TRIT1: variants seen among roughly 807,000 people sequenced by gnomAD.
TRIT1 encodes the protein tRNA isopentenyltransferase 1.
A neutral mutation model predicts 51.2 loss-of-function variants in TRIT1; 43 were observed. The ratio of observed to expected loss-of-function variants is 0.84; its 90% CI spans 0.66 to 1.08. The LOEUF (loss-of-function observed/expected upper bound fraction) is 1.08. TRIT1 is among the 50% of genes least tolerant of loss of function. The pLI is 0.00. For synonymous variants in TRIT1, 184 were observed against 203.9 expected, an observed-to-expected ratio of 0.90 and a Z score of 0.83; for missense variants, 528 against 578.4, an observed-to-expected ratio of 0.91 and a Z score of 0.89.
chr1:39,872,329 CA>C (rs142401809), intron 1 of TRIT1, among the ~76,000 whole-genome samples: 3,663 of 152,060 alleles, frequency 0.024, 61 homozygotes, highest in Middle Eastern at 0.072. Context: ...GAGAGGAAAA[CA>C]AAAGGAGCTG....
chr1:39,853,380 TA>T (rs1369390923), intron 3 of TRIT1, among the ~76,000 whole-genome samples: 1 of 150,480 alleles, frequency 6.6e-6, no homozygotes, highest in South Asian at 2.1e-4. Context: ...GAATTATACA[TA>T]TTTTTTTCTT....
chr1:39,873,036 C>T (rs557455755), intron 1 of TRIT1, among the ~76,000 whole-genome samples: 12 of 152,226 alleles, frequency 7.9e-5, no homozygotes, highest in South Asian at 4.1e-4. Context: ...AACATATGTC[C>T]GCAAATTATT....
intron 1 of TRIT1, among the ~76,000 whole-genome samples, chr1:39,860,331 C>T (rs1301881787): frequency 1.3e-5 from 2 of 152,162 alleles, no homozygotes; most frequent in African/African-American, 2.4e-5. Flanking sequence ...ACAGACTAGA[C>T]ATCTGATTTA....
intron 2 of TRIT1, among the ~76,000 whole-genome samples, chr1:39,855,599 CAA>C (rs1356995464): frequency 6.6e-6 from 1 of 152,032 alleles, no homozygotes; most frequent in African/African-American, 2.4e-5. Context: ...CTCAGCACTC[CAA>C]AAGTTTCAGA....
rs150669999 is a variant in TRIT1 at position 39,866,093 on chromosome 1, A to AAAGGAAGG, written c.175-8684_175-8677dup. 5.6e-3 allele frequency among the ~76,000 whole-genome samples: 830 copies of AAAGGAAGG among 147,542 alleles called. 8 individuals are homozygous for AAAGGAAGG. The highest frequency in any genetic ancestry group is 0.02 in the East Asian group (100 of 4,974). On this transcript the variant is annotated intron_variant, in intron 1 of 10. Transcript: ENST00000316891. ...AGAGGGAGGGAGGGAAGGAAAGAAG[A>AAAGGAAGG]AAGGAAGGAAGGAAGGAAGGAAGGA... is the stretch of plus-strand genomic sequence containing the variant.
At chr1:39,859,689 G>C (rs1643131228) in intron 1 of TRIT1, among the ~76,000 whole-genome samples, 1 of 152,124 alleles carries the variant, frequency 6.6e-6, no homozygotes, top group Admixed American at 6.5e-5. Flanking sequence ...GCCCTTGGTT[G>C]GCTCTGCTGT....
chr1:39,870,145 C>T (rs957163640), intron 1 of TRIT1, among the ~76,000 whole-genome samples: 1 of 152,162 alleles, frequency 6.6e-6, no homozygotes, highest in Admixed American at 6.5e-5. Context: ...ACATGGGAGA[C>T]TCCATTTTGT....
intron 1 of TRIT1, among the ~76,000 whole-genome samples, chr1:39,862,313 TAA>T (rs35360578): frequency 0.19 from 26,563 of 139,150 alleles, 2,473 homozygotes; most frequent in Non-Finnish European, 0.23. Flanking sequence ...TATCACAATT[TAA>T]AAAAAAAAAA....
In TRIT1 at chr1:39,883,343, T is replaced by C. The variant is rs755148703; in HGVS notation, c.149A>G (p.Glu50Gly). 8 of 1,610,022 alleles carry C rather than the reference T, an allele frequency of 5.0e-6. No individual in the cohort carries two copies. In the East Asian group the frequency reaches 1.6e-4, roughly 32 times the overall value. The change falls in exon 1 of 11, where the codon GAG (glutamate) becomes GGG (glycine). Residue 50 changes from glutamate to glycine, a missense_variant. Transcript: ENST00000316891. ...ALQLGQRLGGEIVSADSMQVY... is the reference protein window; with the variant it reads ...ALQLGQRLGGGIVSADSMQVY... ...CTGCATGGAGTCAGCGCTGACGATC[T>C]CACCGCCGAGCCGCTGGCCTAGCTG...
At chr1:39,869,338 C>T (rs956190509) in intron 1 of TRIT1, among the ~76,000 whole-genome samples, 6 of 152,346 alleles carry the variant, frequency 3.9e-5, no homozygotes, top group East Asian at 1.9e-4. Flanking sequence ...CTCCTAACCG[C>T]GAGTGATCTG....
intron 1 of TRIT1, among the ~76,000 whole-genome samples, chr1:39,871,272 G>A (rs373956543): frequency 4.0e-4 from 61 of 152,280 alleles, no homozygotes; most frequent in African/African-American, 1.2e-3. Flanking sequence ...AGCATTGGAC[G>A]CATGCAACAA....
chr1:39,857,528 C>A, intron 1 of TRIT1, 111 bp from the exon 2 acceptor site: 2 of 1,216,290 alleles, frequency 1.6e-6, no homozygotes, highest in East Asian at 2.4e-5. Flanking sequence ...CTTCACTGAC[C>A]CAAAGCACCA....
intron 1 of TRIT1, among the ~76,000 whole-genome samples, chr1:39,864,434 C>T (rs1643417025): frequency 6.6e-6 from 1 of 151,346 alleles, no homozygotes; most frequent in African/African-American, 2.4e-5. Flanking sequence ...ACAGTGAAAC[C>T]CCATCTCTAC....
chr1:39,874,961 C>G (rs1238085128), intron 1 of TRIT1, among the ~76,000 whole-genome samples: 5 of 151,884 alleles, frequency 3.3e-5, no homozygotes, highest in African/African-American at 1.2e-4. Flanking sequence ...AGCCACTGTG[C>G]CCGGCCCCCG....
intron 1 of TRIT1, among the ~76,000 whole-genome samples, chr1:39,858,711 C>G (rs1399513765): frequency 3.3e-5 from 5 of 151,980 alleles, no homozygotes; most frequent in Admixed American, 3.3e-4. Context: ...GAAATAAAAT[C>G]GGTAAACAGT....
intron 2 of TRIT1, 36 bp downstream of exon 2, chr1:39,857,241 C>G: frequency 6.4e-7 from 1 of 1,567,866 alleles, no homozygotes; most frequent in South Asian, 1.2e-5. Context: ...GCTGCTTTCA[C>G]CCACCAAACC....
chr1:39,862,893 C>A, intron 1 of TRIT1: 1 of 985,420 alleles, frequency 1.0e-6, no homozygotes, highest in Non-Finnish European at 1.2e-6. Context: ...AGACAGCATG[C>A]CACTCTGCTC....
intron 1 of TRIT1, among the ~76,000 whole-genome samples, chr1:39,873,500 T>C (rs76025207): frequency 6.6e-6 from 1 of 152,198 alleles, no homozygotes. Context: ...AGATACATGA[T>C]GACTAACTGC....
At chr1:39,877,366 C>T (rs1387375182) in intron 1 of TRIT1, among the ~76,000 whole-genome samples, 2 of 149,502 alleles carry the variant, frequency 1.3e-5, no homozygotes, top group Non-Finnish European at 3.0e-5. Flanking sequence ...AAGAGCTCCA[C>T]ATCTATTGGA....
Sources: allele counts gnomAD v4.1 joint callset (sites outside exome capture counted in the v4.1 genomes callset), GRCh38; gene constraint gnomAD v4.1.1; transcripts MANE v1.5; gene names NCBI Gene and HGNC (gene_info 2026-07-23, HGNC 2026-07-21).